Variants in CHD8 observed in about 807,000 individuals in gnomAD.
The protein encoded by CHD8 is ATP-dependent chromatin remodeler CHD8.
Under a neutral mutation model 279.2 loss-of-function variants are expected in CHD8, and 31 were observed. That is an observed-to-expected ratio of 0.11 (90% CI 0.08 to 0.15). The LOEUF (loss-of-function observed/expected upper bound fraction) is 0.15, where lower values mean the gene tolerates loss of function less well. Among genes scored for constraint, CHD8 ranks in the 10% least tolerant of loss-of-function variants. CHD8 has a pLI of 1.00. For synonymous variants in CHD8, 1,081 were observed against 1,139.6 expected, an observed-to-expected ratio of 0.95 and a Z score of 1.04; for missense variants, 2,146 against 3,230.5, an observed-to-expected ratio of 0.66 and a Z score of 8.14.
chr14:21,437,364 G>C (rs776705045), intron 1 of CHD8: 33 of 690,124 alleles, frequency 4.8e-5, no homozygotes, highest in Non-Finnish European at 5.8e-5. Context: ...CAAAGGGTGG[G>C]ACTATAAGGA....
chr14:21,399,467 G>C lies in CHD8; in HGVS notation c.4921+135C>G, dbSNP rs955195383. On this transcript the variant is annotated intron_variant, in intron 26 of 37. Coordinates refer to ENST00000646647, the MANE Select transcript of CHD8 (RefSeq NM_001170629.2). ...TAACTGCTCTGCTCTGGATATTTAA[G>C]AACTACTTTCCTACTCAAATTTATT... 4 of 663,394 alleles carry C rather than the reference G, an allele frequency of 6.0e-6. No homozygotes were observed. In the East Asian group the frequency reaches 8.3e-5, roughly 14 times the overall value. 41.1% of individuals were successfully genotyped at this position (663,394 alleles called of 1,614,324 possible).
In CHD8 at chr14:21,385,485, T is replaced by TC; in HGVS notation, c.*127dup. 2 of 1,358,008 alleles carry TC rather than the reference T, an allele frequency of 1.5e-6. No individual in the cohort carries two copies. Among genetic ancestry groups the TC allele is most frequent in the African/African-American group, 1.5e-5 (1 of 67,024 alleles). 84.1% of individuals were successfully genotyped at this position (1,358,008 alleles called of 1,614,324 possible). ...AATCAGGTACATTTTTTTTTTTTTTTCCTTTTCACCTCCTGGAGTCCTGGA... is the reference window on the plus strand; with the variant it reads ...AATCAGGTACATTTTTTTTTTTTTTTCCCTTTTCACCTCCTGGAGTCCTGGA... On this transcript the variant is annotated 3_prime_UTR_variant, in exon 38 of 38. Coordinates refer to ENST00000646647, the MANE Select transcript of CHD8 (RefSeq NM_001170629.2).
At position 21,401,409 on chromosome 14, in the gene CHD8, G is replaced by T. The variant is rs1474093904; in HGVS notation, c.4167C>A (p.Asn1389Lys). The T allele has an allele frequency of 6.3e-7, 1 of 1,580,228 alleles. No individual in the cohort carries two copies. The highest frequency in any genetic ancestry group is 1.2e-5 in the South Asian group (1 of 85,250). Residue 1389 changes from asparagine to lysine, a missense_variant, in exon 21 of 38, where the codon AAC becomes AAA. By Grantham distance (94) the Asn-to-Lys change is moderately conservative. This residue lies in a region of CHD8 where 74 missense variants were observed against 91.5 expected (regional missense o/e 0.81). Coordinates refer to ENST00000646647, the MANE Select transcript of CHD8 (RefSeq NM_001170629.2). ...KKADLDMDLLNSKNNLVIDTP... is the reference protein window; with the variant it reads ...KKADLDMDLLKSKNNLVIDTP... Reference sequence around the variant, plus strand: ...CCTAAAAGAAGAAACTCACCTTGCTGTTGAGCAGATCCATGTCTAGGTCAG... The same window carrying T: ...CCTAAAAGAAGAAACTCACCTTGCTTTTGAGCAGATCCATGTCTAGGTCAG...
At position 21,395,864 on chromosome 14, in the gene CHD8, G is replaced by C. The variant is rs1205662306; in HGVS notation, c.5080C>G (p.Pro1694Ala). ...GVDFDKDCEDPEYKPLQGPPK... is the reference protein window; with the variant it reads ...GVDFDKDCEDAEYKPLQGPPK... ...GGACCTTGGAGTGGTTTATATTCAG[G>C]ATCTTCACAATCTTTATCAAAGTCA... The change falls in exon 28 of 38, where the codon CCT becomes GCT. Residue 1694 changes from proline (P) to alanine (A), a missense_variant. Around this residue, in one of 26 missense-constraint regions of CHD8, gnomAD observed 75 missense variants for 81.3 expected, o/e 0.92. Coordinates refer to ENST00000646647, the MANE Select transcript of CHD8 (RefSeq NM_001170629.2). 6.2e-7 allele frequency: 1 copy of C among 1,611,684 alleles called. No individual in the cohort carries two copies. Among genetic ancestry groups the C allele is most frequent in the East Asian group, 2.2e-5 (1 of 44,806 alleles).
chr14:21,390,091 C>G (rs1887458640), intron 37 of CHD8, among the ~76,000 whole-genome samples: 1 of 152,078 alleles, frequency 6.6e-6, no homozygotes, highest in Non-Finnish European at 1.5e-5. Flanking sequence ...AAAGAATTAG[C>G]CTGGCCTGGT....
In CHD8 at chr14:21,403,172, G is replaced by C; in HGVS notation, c.3559C>G (p.Leu1187Val). 1 of 1,613,954 alleles carries C rather than the reference G, an allele frequency of 6.2e-7. No individual in the cohort carries two copies. Among genetic ancestry groups the C allele is most frequent in the Non-Finnish European group, 8.5e-7 (1 of 1,179,884 alleles). ...AAGCGGTCAATGGCAGCCTGTCGAA[G>C]GTTGCCTCTAACTCGCCCATCAATA... ...ERIDGRVRGN[L>V]RQAAIDRFSK... The change falls in exon 18 of 38, where the codon CTT becomes GTT. Residue 1187 changes from leucine to valine, a missense_variant. By Grantham distance (32) the Leu-to-Val change is conservative. This residue lies in a region of CHD8 where 48 missense variants were observed against 135.7 expected (regional missense o/e 0.35). Transcript: ENST00000646647. The surrounding 1 kb of genome is among the most constrained non-coding windows in gnomAD (Gnocchi z 4.3).
intron 10 of CHD8, among the ~76,000 whole-genome samples, chr14:21,410,459 A>G (rs1205289051): frequency 6.6e-6 from 1 of 152,182 alleles, no homozygotes; most frequent in Admixed American, 6.5e-5. Flanking sequence ...GAGCACTTAC[A>G]TGGTGATAAA....
At chr14:21,427,771 G>A in intron 4 of CHD8, 98 bp downstream of exon 4, 2 of 1,531,844 alleles carry the variant, frequency 1.3e-6, no homozygotes, top group South Asian at 2.6e-5. Context: ...GGAGGTACCA[G>A]ATGTTTGCTC....
intron 1 of CHD8, among the ~76,000 whole-genome samples, chr14:21,434,769 G>C (rs1272169825): frequency 6.6e-6 from 1 of 151,916 alleles, no homozygotes; most frequent in Non-Finnish European, 1.5e-5. Context: ...TTCTTTTCTA[G>C]TTCCTATCTT....
rs1566423820 is a variant in CHD8, at chr14:21,403,600, T to A, written c.3371A>T (p.His1124Leu). The A allele has an allele frequency of 6.2e-7, 1 of 1,610,608 alleles. No individual in the cohort carries two copies. Among genetic ancestry groups the A allele is most frequent in the Non-Finnish European group, 8.5e-7 (1 of 1,178,312 alleles). The stretch of plus-strand genomic sequence containing the variant: ...GGCTGAACGAACCATGGCCTGCAGG[T>A]GAAAGTCATGAGGTATAATATGGCA... ...EACHIIPHDFHLQAMVRSAGK... is the reference protein window; with the variant it reads ...EACHIIPHDFLLQAMVRSAGK... The change falls in exon 17 of 38, where the codon CAC becomes CTC. Residue 1124 changes from histidine (H) to leucine (L), a missense_variant. Around this residue, in one of 26 missense-constraint regions of CHD8, gnomAD observed 30 missense variants for 28.4 expected, o/e 1.06. Transcript: ENST00000646647. This position sits in a 1 kb window ranked among gnomAD's most constrained non-coding sequence, Gnocchi z 4.3.
rs1265389867 is a variant in CHD8 at position 21,408,152 on chromosome 14, T to C, written c.2730+160A>G. ...AAATAGCAAAGTCAAAAAAATGCCC[T>C]GCACACTGCTATACAAAAATGCCTT... On this transcript the variant is annotated intron_variant, in intron 13 of 37. Coordinates refer to ENST00000646647, the MANE Select transcript of CHD8 (RefSeq NM_001170629.2). The surrounding 1 kb of genome is among the most constrained non-coding windows in gnomAD (Gnocchi z 4.3). Among the ~76,000 whole-genome samples, 1 of 152,180 alleles carries C rather than the reference T, an allele frequency of 6.6e-6. No homozygotes were observed.
rs768528450 is a variant in CHD8, at chr14:21,394,932, T to C, written c.5370A>G (p.Ala1790=). Residue 1790 remains alanine (A), a synonymous_variant, in exon 30 of 38, where the codon GCA becomes GCG. Coordinates refer to ENST00000646647, the MANE Select transcript of CHD8 (RefSeq NM_001170629.2). ...CEAAFKLKEI[A]RREKQQRWTR... ...TTTACCGTTGTTGTTTCTCCCGCCG[T>C]GCAATTTCTTTCAGCTTGAAGGCTG... The C allele has an allele frequency of 4.0e-5, 64 of 1,613,842 alleles. No homozygotes were observed. The highest frequency in any genetic ancestry group is 5.3e-5 in the Non-Finnish European group (62 of 1,179,832).
chr14:21,416,131 AG>A (rs1286457450), intron 5 of CHD8: 2 of 407,912 alleles, frequency 4.9e-6, no homozygotes, highest in Non-Finnish European at 8.6e-6. Context: ...GAATCCACTG[AG>A]AAAAACCTGT....
chr14:21,449,621 T>C (rs908337762), intron 1 of CHD8, among the ~76,000 whole-genome samples: 5 of 152,220 alleles, frequency 3.3e-5, no homozygotes, highest in Admixed American at 1.3e-4. Context: ...ATCATAACCA[T>C]GAAACAGATT....
chr14:21,393,125 C>T lies in CHD8; in HGVS notation c.6449G>A (p.Arg2150Lys), dbSNP rs1469079268. The T allele has an allele frequency of 1.9e-5, 30 of 1,613,692 alleles. No homozygotes were observed. Among genetic ancestry groups the T allele is most frequent in the Non-Finnish European group, 2.4e-5 (28 of 1,179,878 alleles). Residue 2150 changes from arginine to lysine, a missense_variant, in exon 33 of 38, where the codon AGA (arginine) becomes AAA (lysine). This residue lies in a region of CHD8 where 513 missense variants were observed against 637.6 expected (regional missense o/e 0.80). Coordinates refer to ENST00000646647, the MANE Select transcript of CHD8 (RefSeq NM_001170629.2). ...PELLLLQERQRASEWPKDRVL... is the reference protein window; with the variant it reads ...PELLLLQERQKASEWPKDRVL... ...TGTTACCTTGGGCCACTCAGAGGCT[C>T]TTTGTCTTTCCTGCAGTAGCAGAAG...
At chr14:21,407,065 C>T in intron 13 of CHD8, 33 bp from the exon 14 acceptor site, 1 of 1,511,502 alleles carries the variant, frequency 6.6e-7, no homozygotes, top group Non-Finnish European at 8.9e-7. Flanking sequence ...CAGAAAAAAC[C>T]AAAAATGTAC....
Position 21,427,966 on chromosome 14 carries a change from G to C in CHD8, c.1504C>G (p.Arg502Gly). 1 of 1,614,004 alleles carries C rather than the reference G, an allele frequency of 6.2e-7. No individual in the cohort carries two copies. The highest frequency in any genetic ancestry group is 8.5e-7 in the Non-Finnish European group (1 of 1,179,898). ...CTCTCCCCAGCACTCTTCTTCCTGC[G>C]TTTCTTCTCGCCTTCCTCCTCTGGC... ...VRPEEEGEKK[R>G]RKKSAGERLK... Residue 502 changes from arginine (R) to glycine (G), a missense_variant, in exon 4 of 38, where the codon CGC (arginine) becomes GGC (glycine). By Grantham distance (125) the Arg-to-Gly change is moderately radical (BLOSUM62 -2). This residue lies in a region of CHD8 where 123 missense variants were observed against 169.2 expected (regional missense o/e 0.73). Coordinates refer to ENST00000646647, the MANE Select transcript of CHD8 (RefSeq NM_001170629.2).
chr14:21,429,011 G>A lies in CHD8; in HGVS notation c.1168C>T (p.Pro390Ser), dbSNP rs1407963728. 2 of 1,613,924 alleles carry A rather than the reference G, an allele frequency of 1.2e-6. No homozygotes were observed. Among genetic ancestry groups the A allele is most frequent in the Non-Finnish European group, 1.7e-6 (2 of 1,179,864 alleles). ...ACTGGTACTGAAAGTCTTTGTCCTGGGCTTTGTCCTGGTCCCATTATCTGA... is the reference window on the plus strand; with the variant it reads ...ACTGGTACTGAAAGTCTTTGTCCTGAGCTTTGTCCTGGTCCCATTATCTGA... ...QAQIMGPGQS[P>S]GQRLSVPVKV... Residue 390 changes from proline to serine, a missense_variant, in exon 3 of 38, where the codon CCA becomes TCA. Physicochemically the swap from Pro to Ser is moderately conservative, Grantham distance 74 (BLOSUM62 -1). Coordinates refer to ENST00000646647, the MANE Select transcript of CHD8 (RefSeq NM_001170629.2).
chr14:21,393,200 A>G lies in CHD8; in HGVS notation c.6374T>C (p.Met2125Thr), dbSNP rs1887627026. 1 of 1,613,988 alleles carries G rather than the reference A, an allele frequency of 6.2e-7. No individual in the cohort carries two copies. Among genetic ancestry groups the G allele is most frequent in the Non-Finnish European group, 8.5e-7 (1 of 1,179,890 alleles). ...TTCATTTGGGAATCCATCTTGGGAC[A>G]TAGTGAGGGACAGGAGACTCTCTTC... Reference protein sequence around the residue: ...YDEESLLSLTMSQDGFPNEDG... With the variant: ...YDEESLLSLTTSQDGFPNEDG... The change falls in exon 33 of 38, where the codon ATG becomes ACG. Residue 2125 changes from methionine to threonine, a missense_variant. Met to Thr is a moderately conservative substitution (Grantham distance 81). Coordinates refer to ENST00000646647, the MANE Select transcript of CHD8 (RefSeq NM_001170629.2).
Sources: gnomAD v4.1 joint callset for allele counts (sites outside exome capture counted in the v4.1 genomes callset) on GRCh38, gnomAD v4.1.1 for gene constraint, gnomAD v4.1.1 regional missense constraint, Gnocchi (gnomAD v3.1) non-coding constraint, MANE v1.5 for transcripts, NCBI Gene and HGNC (gene_info 2026-07-23, HGNC 2026-07-21) for gene names.